LDLRAD3: variants seen among roughly 807,000 people sequenced by gnomAD.
LDLRAD3 encodes low density lipoprotein receptor class A domain containing 3.
Under a neutral mutation model 29.4 loss-of-function variants are expected in LDLRAD3, and 20 were observed. That is an observed-to-expected ratio of 0.68 (90% confidence interval 0.48 to 0.99). The LOEUF (loss-of-function observed/expected upper bound fraction) is 0.99, where lower values mean the gene tolerates loss of function less well. LDLRAD3 is among the 50% of genes least tolerant of loss of function. The pLI is 0.00. For missense variants in LDLRAD3, 420 were observed against 454.3 expected, an observed-to-expected ratio of 0.92 and a Z score of 0.69; for synonymous variants, 157 against 192.7, an observed-to-expected ratio of 0.81 and a Z score of 1.53.
intron 2 of LDLRAD3, among the ~76,000 whole-genome samples, chr11:36,056,011 T>C (rs1394011698): frequency 2.0e-5 from 3 of 149,872 alleles, no homozygotes; most frequent in Non-Finnish European, 4.4e-5. Flanking sequence ...TTTTTTTTTT[T>C]TGAGACAAGA....
intron 4 of LDLRAD3, among the ~76,000 whole-genome samples, chr11:36,162,617 T>C (rs964670982): frequency 1.3e-5 from 2 of 152,176 alleles, no homozygotes; most frequent in Non-Finnish European, 1.5e-5. Flanking sequence ...TTGCTAGACA[T>C]TGCATGAAGA....
At chr11:36,044,003 T>C (rs1299196450) in intron 2 of LDLRAD3, among the ~76,000 whole-genome samples, 1 of 152,204 alleles carries the variant, frequency 6.6e-6, no homozygotes, top group East Asian at 1.9e-4. Flanking sequence ...ATTTGGTTTT[T>C]AAATGTCTCA....
intron 4 of LDLRAD3, among the ~76,000 whole-genome samples, chr11:36,211,477 G>T (rs1465556151): frequency 1.3e-5 from 2 of 152,178 alleles, no homozygotes; most frequent in Non-Finnish European, 1.5e-5. Flanking sequence ...GGATTGGAGA[G>T]GGGCAAGATC....
intron 4 of LDLRAD3, among the ~76,000 whole-genome samples, chr11:36,106,049 A>G (rs1853524521): frequency 6.6e-6 from 1 of 152,202 alleles, no homozygotes; most frequent in Non-Finnish European, 1.5e-5. Flanking sequence ...GGAACTGGAC[A>G]GTTGCCGGTA....
chr11:36,027,184 A>C (rs1440142187), intron 1 of LDLRAD3, among the ~76,000 whole-genome samples: 1 of 152,124 alleles, frequency 6.6e-6, no homozygotes, highest in Non-Finnish European at 1.5e-5. Flanking sequence ...CAGGCTTCAA[A>C]TTTTTGCAAG....
chr11:36,207,722 G>A (rs2133379075), intron 4 of LDLRAD3, among the ~76,000 whole-genome samples: 1 of 152,238 alleles, frequency 6.6e-6, no homozygotes, highest in Non-Finnish European at 1.5e-5. Flanking sequence ...ACAACTCACG[G>A]GAAAGGGATC....
intron 2 of LDLRAD3, among the ~76,000 whole-genome samples, chr11:36,049,801 A>C (rs1255737087): frequency 6.6e-6 from 1 of 152,220 alleles, no homozygotes; most frequent in Non-Finnish European, 1.5e-5. Context: ...CATCACTTGC[A>C]TGTACCTGAG....
intron 1 of LDLRAD3, among the ~76,000 whole-genome samples, chr11:35,957,435 C>T (rs963500948): frequency 3.9e-5 from 6 of 152,184 alleles, no homozygotes; most frequent in Non-Finnish European, 8.8e-5. Context: ...ATTACCTGGC[C>T]CCTCTGCTTT....
intron 1 of LDLRAD3, among the ~76,000 whole-genome samples, chr11:35,972,114 C>G (rs534356508): frequency 6.6e-6 from 1 of 152,026 alleles, no homozygotes; most frequent in Non-Finnish European, 1.5e-5. Context: ...TAGATGACCA[C>G]TCAGCTGTGG....
In LDLRAD3 at chr11:36,199,597, G is replaced by T. The variant is rs555046082; in HGVS notation, c.455-27488G>T. Among the ~76,000 whole-genome samples, 36 of 148,790 alleles carry T rather than the reference G, an allele frequency of 2.4e-4. No individual in the cohort carries two copies. In the East Asian group the frequency reaches 7.2e-3, roughly 30 times the overall value. On this transcript the variant is annotated intron_variant, in intron 4 of 5. Transcript: ENST00000315571. Reference sequence around the variant, plus strand: ...CACACACACACACACACGCACGCACGCGTGCGCGCACACGCTTTCTGGCTC... The same window carrying T: ...CACACACACACACACACGCACGCACTCGTGCGCGCACACGCTTTCTGGCTC...
intron 4 of LDLRAD3, among the ~76,000 whole-genome samples, chr11:36,223,597 C>T (rs911746062): frequency 3.3e-5 from 5 of 152,110 alleles, no homozygotes; most frequent in Admixed American, 1.3e-4. Flanking sequence ...GGTTGTGTGA[C>T]GCACCCTTGT....
intron 4 of LDLRAD3, among the ~76,000 whole-genome samples, chr11:36,131,722 GTATTTTGTCCAAGCATGTAA>G (rs1259940672): frequency 6.6e-6 from 1 of 152,212 alleles, no homozygotes; most frequent in Non-Finnish European, 1.5e-5. Flanking sequence ...ATACCTGGGT[GTATTTTGTCCAAGCATGTAA>G]TATTGCTTCC....
intron 4 of LDLRAD3, among the ~76,000 whole-genome samples, chr11:36,137,948 A>G (rs1164694548): frequency 6.6e-6 from 1 of 152,186 alleles, no homozygotes; most frequent in African/African-American, 2.4e-5. Context: ...TTAACATGAG[A>G]TAAGAGGAAA....
rs925617509 is a variant in LDLRAD3, at chr11:36,127,067, T to C, written c.454+28606T>C. On this transcript the variant is annotated intron_variant, in intron 4 of 5. Transcript: ENST00000315571. Reference sequence around the variant, plus strand: ...GTTTTTTACACTGAGCACATTACTGTTGTGTTTTGAAAGAAAGACACGCAT... The same window carrying C: ...GTTTTTTACACTGAGCACATTACTGCTGTGTTTTGAAAGAAAGACACGCAT... Among the ~76,000 whole-genome samples, 24 of 152,324 alleles carry C rather than the reference T, an allele frequency of 1.6e-4. 1 individual carries two copies. The highest frequency in any genetic ancestry group is 5.5e-4 in the African/African-American group (23 of 41,566).
intron 4 of LDLRAD3, among the ~76,000 whole-genome samples, chr11:36,222,104 C>G (rs1254062677): frequency 6.6e-6 from 1 of 152,104 alleles, no homozygotes; most frequent in Non-Finnish European, 1.5e-5. Flanking sequence ...GGGTCTCGCT[C>G]TGTCACTCAG....
chr11:36,110,865 G>A (rs1256393879), intron 4 of LDLRAD3, among the ~76,000 whole-genome samples: 1 of 152,136 alleles, frequency 6.6e-6, no homozygotes, highest in Non-Finnish European at 1.5e-5. Context: ...TTTTTCCTAG[G>A]GGGATATGGC....
At chr11:36,142,061 A>G (rs1424830631) in intron 4 of LDLRAD3, among the ~76,000 whole-genome samples, 1 of 152,136 alleles carries the variant, frequency 6.6e-6, no homozygotes, top group African/African-American at 2.4e-5. Flanking sequence ...ATAAACCACT[A>G]TTGCTTGCTT....
At chr11:35,999,602 A>G (rs1400710593) in intron 1 of LDLRAD3, among the ~76,000 whole-genome samples, 3 of 152,140 alleles carry the variant, frequency 2.0e-5, no homozygotes, top group Non-Finnish European at 4.4e-5. Flanking sequence ...GACCTGCCCA[A>G]TCCCAAGTCT....
chr11:36,121,099 G>A (rs1853749095), intron 4 of LDLRAD3, among the ~76,000 whole-genome samples: 1 of 152,090 alleles, frequency 6.6e-6, no homozygotes, highest in Admixed American at 6.6e-5. Flanking sequence ...TTCTGTCCCC[G>A]GTATCCAGGG....
Sources: allele counts gnomAD v4.1 joint callset (sites outside exome capture counted in the v4.1 genomes callset), GRCh38; gene constraint gnomAD v4.1.1; transcripts MANE v1.5; gene names NCBI Gene and HGNC (gene_info 2026-07-23, HGNC 2026-07-21).